Variants in HACD4 observed in about 807,000 individuals in gnomAD.
The protein encoded by HACD4 is 3-hydroxyacyl-CoA dehydratase 4.
A neutral mutation model predicts 33.3 loss-of-function variants in HACD4; 35 were observed. The observed-to-expected ratio is 1.05, with a 90% confidence interval of 0.80 to 1.39. The LOEUF is 1.39. HACD4 is among the 40% of genes most tolerant of loss of function. The pLI, the probability that HACD4 is intolerant of heterozygous loss-of-function variation, is 0.00. For synonymous variants in HACD4, 118 were observed against 98.0 expected (o/e 1.20, Z -1.21); for missense variants, 323 against 276.5 (o/e 1.17, Z -1.19).
In HACD4 at chr9:21,003,689, T is replaced by A. The variant is rs1429442785; in HGVS notation, c.*3348A>T. ...ATATTTAATACCTTTTTACATAGTT[T>A]CTAGGTAAGATCTTTATAATTCTTT... On this transcript the variant is annotated 3_prime_UTR_variant, in exon 7 of 7. Transcript: ENST00000495827. 6.6e-6 allele frequency: 1 copy of A among 152,146 alleles called. No homozygotes were observed. Among genetic ancestry groups the A allele is most frequent in the African/African-American group, 2.4e-5 (1 of 41,446 alleles). The allele number at this position is 152,146 out of a possible 1,614,324, so 9.4% of individuals were successfully genotyped here.
intron 2 of HACD4, among the ~76,000 whole-genome samples, chr9:21,027,329 A>G (rs1204054833): frequency 6.6e-6 from 1 of 152,196 alleles, no homozygotes; most frequent in African/African-American, 2.4e-5. Context: ...CACATGAAAT[A>G]CTGTGCACTT....
rs1380529466 is a variant in HACD4, at chr9:21,002,306, G to C, written c.*4731C>G. 6.6e-6 allele frequency: 1 copy of C among 152,048 alleles called. No individual in the cohort carries two copies. The highest frequency in any genetic ancestry group is 1.9e-4 in the East Asian group (1 of 5,202). The allele number at this position is 152,048 out of a possible 1,614,324, so 9.4% of individuals were successfully genotyped here. A position where few individuals can be genotyped will look rare whatever the true frequency, so the allele number is the denominator to read the frequency against. On this transcript the variant is annotated 3_prime_UTR_variant, in exon 7 of 7. Transcript: ENST00000495827. ...ACAAAAGACGTAATGCAGGAAATGAGGGACAAAAAAGCTAAGCTATGTAGA... is the reference window on the plus strand; with the variant it reads ...ACAAAAGACGTAATGCAGGAAATGACGGACAAAAAAGCTAAGCTATGTAGA...
intron 1 of HACD4, among the ~76,000 whole-genome samples, chr9:21,030,053 CA>C (rs1818169004): frequency 6.6e-6 from 1 of 152,052 alleles, no homozygotes; most frequent in South Asian, 2.1e-4. Context: ...AGTGCTTTTT[CA>C]AAATCTGCTT....
rs1229765323 is a variant in HACD4 at position 21,005,253 on chromosome 9, AAAGT to A, written c.*1780_*1783del. ...GTGCCTCGGTTTATCTTGACTGCTT[AAAGT>A]AAAATGTGACAAAAAATGAAGACAG... On this transcript the variant is annotated 3_prime_UTR_variant, in exon 7 of 7. Coordinates refer to ENST00000495827, the MANE Select transcript of HACD4 (RefSeq NM_001010915.5). This position sits in a 1 kb window ranked among gnomAD's most constrained non-coding sequence, Gnocchi z 4.0. 1 of 152,198 alleles carries A rather than the reference AAAGT, an allele frequency of 6.6e-6. No individual in the cohort carries two copies. Among genetic ancestry groups the A allele is most frequent in the Non-Finnish European group, 1.5e-5 (1 of 68,032 alleles). The allele number at this position is 152,198 out of a possible 1,614,324, so 9.4% of individuals were successfully genotyped here.
intron 3 of HACD4, chr9:21,017,852 G>C (rs1257157368): frequency 4.6e-5 from 7 of 152,172 alleles, no homozygotes; most frequent in Admixed American, 4.6e-4. Context: ...TTCCAGAGTT[G>C]TAAGCTATCC....
At chr9:21,024,013 T>C (rs1413736309) in intron 3 of HACD4, among the ~76,000 whole-genome samples, 2 of 152,248 alleles carry the variant, frequency 1.3e-5, no homozygotes, top group Non-Finnish European at 2.9e-5. Context: ...AAACCAAGAA[T>C]GATTACACAA....
In HACD4 at chr9:21,026,720, G is replaced by A; in HGVS notation, c.146C>T (p.Ser49Leu). 2 of 1,613,102 alleles carry A rather than the reference G, an allele frequency of 1.2e-6. No homozygotes were observed. Among genetic ancestry groups the A allele is most frequent in the Non-Finnish European group, 1.7e-6 (2 of 1,179,454 alleles). The change falls in exon 3 of 7, where the codon TCA (serine) becomes TTA (leucine). Residue 49 changes from serine to leucine, a missense_variant. Transcript: ENST00000495827. Reference sequence around the variant, plus strand: ...AATAGCATAAAAAGTGTCAACCATTGAATCTGTATCCCGTGGGTTAAAAAT... The same window carrying A: ...AATAGCATAAAAAGTGTCAACCATTAAATCTGTATCCCGTGGGTTAAAAAT... Reference protein sequence around the residue: ...TVRFFSFGKDSMVDTFYAIGL... With the variant: ...TVRFFSFGKDLMVDTFYAIGL...
At chr9:21,026,213 A>G (rs1818056631) in intron 3 of HACD4, among the ~76,000 whole-genome samples, 1 of 152,204 alleles carries the variant, frequency 6.6e-6, no homozygotes, top group South Asian at 2.1e-4. Flanking sequence ...GGTTGTTCCC[A>G]TAGTATGGGT....
intron 3 of HACD4, among the ~76,000 whole-genome samples, chr9:21,023,100 G>C (rs951326785): frequency 2.0e-5 from 3 of 151,354 alleles, no homozygotes; most frequent in East Asian, 1.9e-4. Flanking sequence ...CCATCATTCT[G>C]AGCAAACTAT....
rs1842154561 is a variant in HACD4 at position 21,000,694 on chromosome 9, A to T, written c.*6343T>A. On this transcript the variant is annotated 3_prime_UTR_variant, in exon 7 of 7. Coordinates refer to ENST00000495827, the MANE Select transcript of HACD4 (RefSeq NM_001010915.5). ...ACCAACGGGAAACATTATAATTATT[A>T]AAAAGCAGTAATAAACAAGTGGAAG... 1.3e-5 allele frequency: 2 copies of T among 152,188 alleles called. No homozygotes were observed. The highest frequency in any genetic ancestry group is 6.6e-5 in the Admixed American group (1 of 15,262). The allele number at this position is 152,188 out of a possible 1,614,324, so 9.4% of individuals were successfully genotyped here. A position where few individuals can be genotyped will look rare whatever the true frequency, so the allele number is the denominator to read the frequency against.
intron 5 of HACD4, among the ~76,000 whole-genome samples, chr9:21,011,376 C>T (rs1045931913): frequency 2.0e-5 from 3 of 152,214 alleles, no homozygotes; most frequent in African/African-American, 7.2e-5. Context: ...GCCTCAGATG[C>T]CGTTGCTTTT....
intron 2 of HACD4, 99 bp downstream of exon 2, chr9:21,029,196 A>G (rs1487923871): frequency 1.5e-6 from 1 of 680,494 alleles, no homozygotes; most frequent in Non-Finnish European, 2.5e-6. Flanking sequence ...TTAGAGAAGG[A>G]TATTAGAAGG....
chr9:21,013,869 TAG>T, intron 4 of HACD4, among the ~76,000 whole-genome samples: 1 of 152,314 alleles, frequency 6.6e-6, no homozygotes, highest in Admixed American at 6.5e-5. Context: ...CATCTGCCAA[TAG>T]AGATAGTTTT....
intron 3 of HACD4, among the ~76,000 whole-genome samples, chr9:21,021,039 T>C (rs528050827): frequency 2.6e-5 from 4 of 152,274 alleles, no homozygotes; most frequent in African/African-American, 9.6e-5. Context: ...CACGATCAAG[T>C]TGGCTTCATC....
At chr9:21,012,928 G>A (rs1467100612) in intron 4 of HACD4, among the ~76,000 whole-genome samples, 1 of 152,026 alleles carries the variant, frequency 6.6e-6, no homozygotes, top group Non-Finnish European at 1.5e-5. Flanking sequence ...TTAGCCGGGC[G>A]TGGTGGCGGG....
chr9:21,018,304 T>C (rs951252228), intron 3 of HACD4, among the ~76,000 whole-genome samples: 1 of 152,228 alleles, frequency 6.6e-6, no homozygotes, highest in Non-Finnish European at 1.5e-5. Flanking sequence ...CTAGGCGTTT[T>C]ACAAAAGACA....
In HACD4 at chr9:21,002,037, C is replaced by A. The variant is rs1312436748; in HGVS notation, c.*5000G>T. ...TTTGTTTTCTACATAGAGACTACTG[C>A]ATTTTTAAAAATTGATTTTGGACAC... is the stretch of plus-strand genomic sequence containing the variant. On this transcript the variant is annotated 3_prime_UTR_variant, in exon 7 of 7. Transcript: ENST00000495827. 2 of 152,100 alleles carry A rather than the reference C, an allele frequency of 1.3e-5. No individual in the cohort carries two copies. The highest frequency in any genetic ancestry group is 2.9e-5 in the Non-Finnish European group (2 of 67,984). 9.4% of individuals were successfully genotyped at this position (152,100 alleles called of 1,614,324 possible). A position where few individuals can be genotyped will look rare whatever the true frequency, so the allele number is the denominator to read the frequency against.
intron 3 of HACD4, among the ~76,000 whole-genome samples, chr9:21,020,470 CT>C (rs745404286): frequency 1.9e-4 from 28 of 151,182 alleles, no homozygotes; most frequent in Non-Finnish European, 3.4e-4. Flanking sequence ...TACAAGCAAA[CT>C]GAACAAAGCC....
chr9:21,013,115 CT>C (rs977714563), intron 4 of HACD4, among the ~76,000 whole-genome samples: 9 of 149,872 alleles, frequency 6.0e-5, no homozygotes, highest in South Asian at 4.2e-4. Flanking sequence ...TCCAATTTAT[CT>C]TTTTTTTCTT....
Sources: allele counts gnomAD v4.1 joint callset (sites outside exome capture counted in the v4.1 genomes callset), GRCh38; gene constraint gnomAD v4.1.1; non-coding constraint Gnocchi (gnomAD v3.1); transcripts MANE v1.5; gene names NCBI Gene and HGNC (gene_info 2026-07-23, HGNC 2026-07-21).